The following SVIL variants were observed in gnomAD, a reference collection of about 807,000 sequenced individuals.
SVIL encodes the protein supervillin.
Under a neutral mutation model 240.4 loss-of-function variants are expected in SVIL, and 101 were observed. The ratio of observed to expected loss-of-function variants is 0.42; its 90% CI spans 0.36 to 0.50. The LOEUF is 0.50. Ranked by LOEUF, SVIL falls within the 20% of genes least tolerant of loss-of-function variation. SVIL has a pLI of 0.01. For synonymous variants in SVIL, 999 were observed against 1,100.0 expected (o/e 0.91, Z 1.82); for missense variants, 2,512 against 2,818.7 (o/e 0.89, Z 2.46).
At chr10:29,567,860 C>T (rs948800561) in intron 2 of SVIL, among the ~76,000 whole-genome samples, 2 of 151,666 alleles carry the variant, frequency 1.3e-5, no homozygotes, top group African/African-American at 4.8e-5. Flanking sequence ...ACTAAAAATA[C>T]AAAAAAATTA....
At chr10:29,551,320 C>T (rs2132647837) in intron 5 of SVIL, 57 bp from the exon 6 acceptor site, 2 of 1,487,226 alleles carry the variant, frequency 1.3e-6, no homozygotes, top group East Asian at 2.3e-5. Context: ...CATGTATTTA[C>T]ACACAGAATG....
chr10:29,644,815 C>G (rs1958603756), intron 3 of SVIL, among the ~76,000 whole-genome samples: 1 of 152,082 alleles, frequency 6.6e-6, no homozygotes, highest in Non-Finnish European at 1.5e-5. Flanking sequence ...TAAGGTTTAG[C>G]CAGTGACTTC....
intron 1 of SVIL, among the ~76,000 whole-genome samples, chr10:29,732,865 T>G (rs530933253): frequency 6.0e-4 from 92 of 152,220 alleles, no homozygotes; most frequent in African/African-American, 2.1e-3. Context: ...TTTGTTTTTT[T>G]TTTTTTAATT....
chr10:29,534,848 C>T (rs1159915932), intron 7 of SVIL, among the ~76,000 whole-genome samples: 4 of 152,164 alleles, frequency 2.6e-5, no homozygotes, highest in Admixed American at 2.6e-4. Flanking sequence ...ATAGTGTTAT[C>T]TAGTTCTTAT....
chr10:29,472,454 G>A (rs1347277564), intron 30 of SVIL, among the ~76,000 whole-genome samples: 1 of 152,194 alleles, frequency 6.6e-6, no homozygotes, highest in Admixed American at 6.5e-5. Flanking sequence ...TCCTGCTATC[G>A]TTAATCATTC....
At chr10:29,678,770 A>T (rs1267208547) in intron 2 of SVIL, among the ~76,000 whole-genome samples, 1 of 152,234 alleles carries the variant, frequency 6.6e-6, no homozygotes, top group Non-Finnish European at 1.5e-5. Flanking sequence ...TGTGGGGGAT[A>T]TTAAAACCCC....
intron 2 of SVIL, among the ~76,000 whole-genome samples, chr10:29,564,487 G>A (rs1236659174): frequency 2.0e-5 from 3 of 150,702 alleles, no homozygotes; most frequent in Non-Finnish European, 4.4e-5. Flanking sequence ...CCTCCAGAGG[G>A]GGAAAAGATG....
At chr10:29,622,378 A>G (rs1477892689) in intron 1 of SVIL, among the ~76,000 whole-genome samples, 1 of 151,244 alleles carries the variant, frequency 6.6e-6, no homozygotes. Context: ...ATCTCTTCTT[A>G]TGATCATCCC....
In SVIL at chr10:29,735,496, C is replaced by A. The variant is rs1964851169; in HGVS notation, c.-400+255G>T. Among the ~76,000 whole-genome samples the A allele has an allele frequency of 6.6e-6, 1 of 151,558 alleles. No homozygotes were observed. Among genetic ancestry groups the A allele is most frequent in the Non-Finnish European group, 1.5e-5 (1 of 67,804 alleles). The stretch of plus-strand genomic sequence containing the variant: ...CGGAAGTGGGTGGGAGCCGCGGCCG[C>A]GCCGCGCCTTTGTTACGGCTCGGGG... On this transcript the variant is annotated intron_variant, in intron 1 of 35. Coordinates refer to the SVIL transcript ENST00000375400. The surrounding 1 kb of genome is among the most constrained non-coding windows in gnomAD (Gnocchi z 4.1).
chr10:29,702,116 A>G (rs2132646286), intron 1 of SVIL, among the ~76,000 whole-genome samples: 1 of 140,774 alleles, frequency 7.1e-6, no homozygotes, highest in African/African-American at 2.6e-5. Flanking sequence ...TGGAGATTGC[A>G]GTGAGCTGAG....
chr10:29,622,274 A>C (rs1414459028), intron 1 of SVIL, among the ~76,000 whole-genome samples: 1 of 148,910 alleles, frequency 6.7e-6, no homozygotes, highest in Non-Finnish European at 1.5e-5. Context: ...AAAAAAAAAA[A>C]AGAACCTTGG....
chr10:29,463,449 C>T (rs1421267914), intron 35 of SVIL, 43 bp downstream of exon 35: 34 of 1,591,606 alleles, frequency 2.1e-5, no homozygotes, highest in Non-Finnish European at 2.7e-5. Context: ...TGAGGGGCTT[C>T]CCCATCTGTT....
chr10:29,622,205 G>T (rs1023971992), intron 1 of SVIL, among the ~76,000 whole-genome samples: 1 of 133,214 alleles, frequency 7.5e-6, no homozygotes, highest in Non-Finnish European at 1.5e-5. Context: ...AGCCGAGATC[G>T]CGCCACTGCA....
intron 1 of SVIL, among the ~76,000 whole-genome samples, chr10:29,607,241 T>C (rs192073533): frequency 7.2e-4 from 110 of 152,366 alleles, no homozygotes; most frequent in Admixed American, 2.1e-3. Context: ...GGACTACTTC[T>C]GGCTTTCTAA....
intron 1 of SVIL, among the ~76,000 whole-genome samples, chr10:29,604,955 A>C (rs979143829): frequency 6.6e-6 from 1 of 152,178 alleles, no homozygotes; most frequent in African/African-American, 2.4e-5. Context: ...TCTATCTGCG[A>C]TTTCAGGAAT....
intron 34 of SVIL, among the ~76,000 whole-genome samples, chr10:29,464,760 C>A (rs1944691083): frequency 6.6e-6 from 1 of 151,848 alleles, no homozygotes; most frequent in Non-Finnish European, 1.5e-5. Context: ...GCCCTGAGAT[C>A]CCGGTGCAAG....
At chr10:29,693,693 A>T (rs778048653) in intron 1 of SVIL, among the ~76,000 whole-genome samples, 1 of 152,174 alleles carries the variant, frequency 6.6e-6, no homozygotes, top group Non-Finnish European at 1.5e-5. Flanking sequence ...CTTCTCCCGA[A>T]AAAACGTCTT....
chr10:29,685,747 T>C (rs1011711454), intron 2 of SVIL, among the ~76,000 whole-genome samples: 4 of 152,180 alleles, frequency 2.6e-5, no homozygotes, highest in African/African-American at 9.7e-5. Flanking sequence ...GGTCAGTTGT[T>C]TGCCTGAACT....
chr10:29,642,375 G>C (rs151214712), intron 3 of SVIL, among the ~76,000 whole-genome samples: 46 of 151,592 alleles, frequency 3.0e-4, no homozygotes, highest in African/African-American at 1.1e-3. Context: ...CTAGACAACA[G>C]AGTGAGACTC....
Sources: allele counts gnomAD v4.1 joint callset (sites outside exome capture counted in the v4.1 genomes callset), GRCh38; gene constraint gnomAD v4.1.1; non-coding constraint Gnocchi (gnomAD v3.1); transcripts MANE v1.5; gene names NCBI Gene and HGNC (gene_info 2026-07-23, HGNC 2026-07-21).